Variants in MACF1 observed in about 807,000 individuals in gnomAD.
MACF1 encodes the protein microtubule-actin cross-linking factor 1.
Under a neutral mutation model 854.8 loss-of-function variants are expected in MACF1, and 193 were observed. The observed-to-expected ratio is 0.23, with a 90% CI of 0.20 to 0.25. The LOEUF (loss-of-function observed/expected upper bound fraction) is 0.25. Ranked by LOEUF, MACF1 falls within the 10% of genes least tolerant of loss-of-function variation. The pLI is 1.00. For missense variants in MACF1, 7,722 were observed against 8,929.1 expected, an observed-to-expected ratio of 0.86 and a Z score of 5.45; for synonymous variants, 3,185 against 3,226.7, an observed-to-expected ratio of 0.99 and a Z score of 0.44.
chr1:39,120,027 A>G (rs1642657891), intron 2 of MACF1, among the ~76,000 whole-genome samples: 1 of 151,408 alleles, frequency 6.6e-6, no homozygotes. Context: ...GGGATTACAG[A>G]CATGCGGCAC....
upstream of MACF1, among the ~76,000 whole-genome samples, chr1:39,202,951 C>T (rs749474495): frequency 2.6e-5 from 4 of 152,042 alleles, no homozygotes. Flanking sequence ...TTAGTGGTCC[C>T]GTCAAGGCCC....
rs1646774583 is a variant in MACF1 at position 39,334,217 on chromosome 1, C to T, written c.7629C>T (p.Ile2543=). ...EKLKRVENLN[I]HQIFNPETKE... is the part of the protein sequence containing the mutation. ...TCAAAAGAGTTGAGAACTTAAACAT[C>T]CATCAGATTTTTAATCCTGAAACGA... Residue 2543 remains isoleucine (I), a synonymous_variant, in exon 37 of 101, where the codon ATC becomes ATT. Coordinates refer to ENST00000564288, the MANE Select transcript of MACF1 (RefSeq NM_001394062.1). The T allele has an allele frequency of 6.2e-7, 1 of 1,614,092 alleles. No individual in the cohort carries two copies. The highest frequency in any genetic ancestry group is 8.5e-7 in the Non-Finnish European group (1 of 1,180,004).
In MACF1 at chr1:39,315,658, A is replaced by G. The variant is rs753307887; in HGVS notation, c.3416A>G (p.His1139Arg). Reference protein sequence around the residue: ...ELNLLVEKMDHVYGLSTVYLN... With the variant: ...ELNLLVEKMDRVYGLSTVYLN... The stretch of plus-strand genomic sequence containing the variant: ...AATCTGCTGGTGGAGAAGATGGACC[A>G]TGTCTATGGTCTCTCTACTGTATAT... The change falls in exon 27 of 101, where the codon CAT becomes CGT. Residue 1139 changes from histidine to arginine, a missense_variant. By Grantham distance (29) the His-to-Arg change is conservative. Around this residue, in one of 15 missense-constraint regions of MACF1, gnomAD observed 1,137 missense variants for 1,263.0 expected, o/e 0.90. Transcript: ENST00000564288. 4.3e-6 allele frequency: 7 copies of G among 1,614,136 alleles called. No individual in the cohort carries two copies. The highest frequency in any genetic ancestry group is 5.9e-6 in the Non-Finnish European group (7 of 1,179,994).
intron 58 of MACF1, among the ~76,000 whole-genome samples, chr1:39,398,382 G>GC (rs1642355514): frequency 6.6e-6 from 1 of 152,058 alleles, no homozygotes; most frequent in Middle Eastern, 3.4e-3. Flanking sequence ...CAAATGATCT[G>GC]CCTACCTCAG....
At position 39,360,793 on chromosome 1, in the gene MACF1, A is replaced by G; in HGVS notation, c.12245A>G (p.Asp4082Gly). 1 of 1,599,778 alleles carries G rather than the reference A, an allele frequency of 6.3e-7. No homozygotes were observed. The change falls in exon 48 of 101, where the codon GAT becomes GGT. Residue 4082 changes from aspartate (D) to glycine (G), a missense_variant and splice_region_variant. By Grantham distance (94) the Asp-to-Gly change is moderately conservative. Transcript: ENST00000564288. ...PDHRHVQETT[D>G]SILSHFQSLS... ...TTCTTTTCATGGCCTGATTTTTCAG[A>G]TTCCATACTCAGCCACTTCCAAAGC...
At chr1:39,269,541 A>G (rs1272787183) in intron 6 of MACF1, 15 of 1,289,786 alleles carry the variant, frequency 1.2e-5, no homozygotes, top group Non-Finnish European at 1.5e-5. Context: ...TGATTTGTCC[A>G]TCAGTGGTGT....
chr1:39,474,052 A>G (rs897308966), intron 97 of MACF1, among the ~76,000 whole-genome samples: 13 of 152,090 alleles, frequency 8.5e-5, no homozygotes, highest in African/African-American at 2.7e-4. Context: ...CCAAGAATTT[A>G]AGACCAGCCT....
chr1:39,419,051 A>G (rs1390073076), intron 58 of MACF1, among the ~76,000 whole-genome samples: 2 of 152,240 alleles, frequency 1.3e-5, no homozygotes, highest in African/African-American at 4.8e-5. Flanking sequence ...ACAGTGTGTG[A>G]AATACTAAGG....
chr1:39,298,777 T>C lies in MACF1; in HGVS notation c.2481+1032T>C, dbSNP rs574132748. On this transcript the variant is annotated intron_variant, in intron 21 of 100. Coordinates refer to ENST00000564288, the MANE Select transcript of MACF1 (RefSeq NM_001394062.1). ...TTTCAGATGTTGTCTCTAAAATGTC[T>C]CTCTCAGAGGTACTGCAAGTATGAA... The C allele has an allele frequency of 2.2e-5, 8 of 371,606 alleles. No homozygotes were observed. The East Asian group carries it at 5.9e-4, about 27-fold the overall frequency. The allele number at this position is 371,606 out of a possible 1,614,324, so 23.0% of individuals were successfully genotyped here. A position where few individuals can be genotyped will look rare whatever the true frequency, so the allele number is the denominator to read the frequency against.
chr1:39,369,993 CTT>C, intron 50 of MACF1, 35 bp from the exon 51 acceptor site: 2 of 1,584,854 alleles, frequency 1.3e-6, no homozygotes, highest in Non-Finnish European at 1.7e-6. Flanking sequence ...CTTTATAAAA[CTT>C]AGTCTGGCAA....
intron 62 of MACF1, 120 bp from the exon 63 acceptor site, chr1:39,427,841 C>T: frequency 1.1e-6 from 1 of 950,748 alleles, no homozygotes; most frequent in East Asian, 2.7e-5. Flanking sequence ...ATTATTTTTG[C>T]CTTTCAGTCG....
intron 2 of MACF1, among the ~76,000 whole-genome samples, chr1:39,146,763 A>G (rs981917748): frequency 6.6e-6 from 1 of 152,080 alleles, no homozygotes; most frequent in Admixed American, 6.5e-5. Context: ...TAAAAAGACT[A>G]AATAAAACCT....
chr1:39,246,848 A>G (rs1004431118), intron 2 of MACF1, among the ~76,000 whole-genome samples: 4 of 150,654 alleles, frequency 2.7e-5, no homozygotes, highest in African/African-American at 7.3e-5. Flanking sequence ...CAGCTTATGG[A>G]CTCATGAGAG....
In MACF1 at chr1:39,385,527, C is replaced by G. The variant is rs1037771636; in HGVS notation, c.13942C>G (p.Leu4648Val). Residue 4648 changes from leucine to valine, a missense_variant, in exon 57 of 101, where the codon CTG becomes GTG. Leu to Val is a conservative substitution (Grantham distance 32). Around this residue, in one of 15 missense-constraint regions of MACF1, gnomAD observed 2,807 missense variants for 3,235.8 expected, o/e 0.87. Coordinates refer to ENST00000564288, the MANE Select transcript of MACF1 (RefSeq NM_001394062.1). ...CCTAACAGGCCCTGGAGATGTCTCT[C>G]TGTCCACCAGCCAAGTACAGAAAGA... ...GILTGPGDVSLSTSQVQKELQ... is the reference protein window; with the variant it reads ...GILTGPGDVSVSTSQVQKELQ... The G allele has an allele frequency of 1.2e-6, 2 of 1,614,176 alleles. No homozygotes were observed. Among genetic ancestry groups the G allele is most frequent in the Admixed American group, 1.7e-5 (1 of 60,014 alleles).
intron 5 of MACF1, 144 bp from the exon 6 acceptor site, chr1:39,257,792 G>A (rs1645113972): frequency 3.2e-6 from 2 of 615,548 alleles, no homozygotes; most frequent in Non-Finnish European, 5.6e-6. Context: ...GTAGTTGCAT[G>A]AATCTATACA....
chr1:39,370,846 AG>A (rs1336668728), intron 51 of MACF1, among the ~76,000 whole-genome samples: 1 of 152,128 alleles, frequency 6.6e-6, no homozygotes, highest in African/African-American at 2.4e-5. Flanking sequence ...TGGCACCTCA[AG>A]GCCAAAAAAA....
chr1:39,290,213 A>T (rs1404601210), intron 15 of MACF1, among the ~76,000 whole-genome samples: 2 of 152,152 alleles, frequency 1.3e-5, no homozygotes, highest in Non-Finnish European at 2.9e-5. Flanking sequence ...GTGTATGATG[A>T]CAAGGGACAG....
At chr1:39,391,471 G>A (rs1642034991) in intron 58 of MACF1, among the ~76,000 whole-genome samples, 1 of 152,136 alleles carries the variant, frequency 6.6e-6, no homozygotes, top group Non-Finnish European at 1.5e-5. Context: ...CATGATATTG[G>A]TTATTATTTC....
At chr1:39,111,148 T>C (rs1471044515) in intron 2 of MACF1, among the ~76,000 whole-genome samples, 2 of 152,314 alleles carry the variant, frequency 1.3e-5, no homozygotes, top group South Asian at 2.1e-4. Flanking sequence ...CTGGCTTCTA[T>C]TGGTGGCATT....
Sources: gnomAD v4.1 joint callset for allele counts (sites outside exome capture counted in the v4.1 genomes callset) on GRCh38, gnomAD v4.1.1 for gene constraint, gnomAD v4.1.1 regional missense constraint, MANE v1.5 for transcripts, NCBI Gene and HGNC (gene_info 2026-07-23, HGNC 2026-07-21) for gene names.